Variants in JPH3 observed in about 807,000 individuals in gnomAD.
JPH3 encodes junctophilin-3.
JPH3 carries 11 observed loss-of-function variants against 59.6 expected under a neutral mutation model. That is an observed-to-expected ratio of 0.18 (90% CI 0.12 to 0.31). The LOEUF (loss-of-function observed/expected upper bound fraction) is 0.31, where lower values mean the gene tolerates loss of function less well. JPH3 is among the 10% of genes least tolerant of loss of function. JPH3 has a pLI of 1.00. For missense variants in JPH3, 1,202 were observed against 1,105.7 expected (o/e 1.09, Z -1.24); for synonymous variants, 673 against 483.6 (o/e 1.39, Z -5.14).
At chr16:87,636,037 C>T (rs1001371415) in intron 1 of JPH3, among the ~76,000 whole-genome samples, 1 of 152,116 alleles carries the variant, frequency 6.6e-6, no homozygotes, top group African/African-American at 2.4e-5. Context: ...CAGACCCTCG[C>T]GGCGGCCCAC....
In JPH3 at chr16:87,638,357, C is replaced by A. The variant is rs146581438; in HGVS notation, c.383-5901C>A. On this transcript the variant is annotated intron_variant, in intron 1 of 4. Coordinates refer to ENST00000284262, the MANE Select transcript of JPH3 (RefSeq NM_020655.4). The stretch of plus-strand genomic sequence containing the variant: ...CCAGCCCTTTGCTGGTGAACAGACA[C>A]GTTCACTGGACACCTAAGTGCCTGG... 3.6e-3 allele frequency among the ~76,000 whole-genome samples: 554 copies of A among 152,282 alleles called. 9 individuals carry two copies. Among genetic ancestry groups the A allele is most frequent in the African/African-American group, 0.012 (509 of 41,572 alleles).
At chr16:87,637,732 G>A (rs537545645) in intron 1 of JPH3, among the ~76,000 whole-genome samples, 1 of 148,786 alleles carries the variant, frequency 6.7e-6, no homozygotes, top group Non-Finnish European at 1.5e-5. Flanking sequence ...TGCCCTGGGC[G>A]AATGTCGAGG....
intron 1 of JPH3, among the ~76,000 whole-genome samples, chr16:87,641,181 C>T (rs973026160): frequency 3.9e-5 from 6 of 152,192 alleles, no homozygotes; most frequent in Admixed American, 2.0e-4. Context: ...GAAAGGTGTG[C>T]AGTGGTGTTG....
intron 2 of JPH3, among the ~76,000 whole-genome samples, chr16:87,661,810 C>T (rs534899063): frequency 2.0e-4 from 30 of 152,346 alleles, no homozygotes; most frequent in East Asian, 1.2e-3. Context: ...GTGGTTTTCA[C>T]TGCCTCTGGG....
In JPH3 at chr16:87,604,648, C is replaced by T. The variant is rs908203124; in HGVS notation, c.382+1120C>T. 21 of 1,168,030 alleles carry T rather than the reference C, an allele frequency of 1.8e-5. No homozygotes were observed. The African/African-American group carries it at 2.7e-4, about 15-fold the overall frequency. 72.4% of individuals were successfully genotyped at this position (1,168,030 alleles called of 1,614,324 possible). A position where few individuals can be genotyped will look rare whatever the true frequency, so the allele number is the denominator to read the frequency against. ...AGCGTACGTGTGCTCTAGTCCTCCC[C>T]GCCCGCTCGCTGCCTCCGAGTCTCA... On this transcript the variant is annotated intron_variant, in intron 1 of 4. Transcript: ENST00000284262.
chr16:87,691,769 C>T (rs1208140689), intron 4 of JPH3, among the ~76,000 whole-genome samples: 1 of 152,112 alleles, frequency 6.6e-6, no homozygotes, highest in Non-Finnish European at 1.5e-5. Context: ...AGAACAGCCC[C>T]TATGCTCCTG....
intron 2 of JPH3, among the ~76,000 whole-genome samples, chr16:87,645,616 C>CG (rs2032121153): frequency 6.6e-6 from 1 of 152,148 alleles, no homozygotes; most frequent in Non-Finnish European, 1.5e-5. Flanking sequence ...GCATGACTTA[C>CG]GGAATTTGGG....
intron 2 of JPH3, among the ~76,000 whole-genome samples, chr16:87,648,758 G>T (rs1446295936): frequency 6.6e-6 from 1 of 152,210 alleles, no homozygotes; most frequent in South Asian, 2.1e-4. Flanking sequence ...TGACATCATT[G>T]TTTGGGATGC....
chr16:87,603,674 C>A, intron 1 of JPH3, 146 bp downstream of exon 1: 2 of 1,061,360 alleles, frequency 1.9e-6, no homozygotes, highest in Non-Finnish European at 1.3e-6. Context: ...CTGGAAGCCA[C>A]GGCGGCTCCT....
intron 2 of JPH3, among the ~76,000 whole-genome samples, chr16:87,647,535 C>T (rs2032191834): frequency 1.3e-5 from 2 of 152,336 alleles, no homozygotes; most frequent in South Asian, 2.1e-4. Flanking sequence ...TTGCCTTCTG[C>T]ACTGGCGGAG....
chr16:87,663,546 T>G (rs1310482552), intron 2 of JPH3, among the ~76,000 whole-genome samples: 2 of 152,202 alleles, frequency 1.3e-5, no homozygotes, highest in East Asian at 3.8e-4. Context: ...CTTTGTGAGA[T>G]TTCACCCACC....
intron 3 of JPH3, among the ~76,000 whole-genome samples, chr16:87,684,766 G>A (rs1472881456): frequency 2.0e-5 from 3 of 152,182 alleles, no homozygotes; most frequent in Non-Finnish European, 2.9e-5. Context: ...GGCAGCTCCC[G>A]CTGTGCCCCT....
intron 2 of JPH3, chr16:87,655,079 G>A (rs904204104): frequency 1.3e-5 from 2 of 152,222 alleles, no homozygotes; most frequent in African/African-American, 2.4e-5. Flanking sequence ...GGAGTCGAGT[G>A]TCTCGAGTGG....
At chr16:87,650,914 A>G (rs1310938986) in intron 2 of JPH3, among the ~76,000 whole-genome samples, 1 of 152,262 alleles carries the variant, frequency 6.6e-6, no homozygotes, top group Non-Finnish European at 1.5e-5. Context: ...AGGTGGCTAC[A>G]CTAAACAGAT....
chr16:87,697,856 A>T lies in JPH3; in HGVS notation c.*1196A>T, dbSNP rs898243255. On this transcript the variant is annotated 3_prime_UTR_variant, in exon 5 of 5. Transcript: ENST00000284262. Reference sequence around the variant, plus strand: ...CTCCACCAGGGTCGCTCCATCACCCAAACAAAAGAACAAGGTTTGCCAGGA... The same window carrying T: ...CTCCACCAGGGTCGCTCCATCACCCTAACAAAAGAACAAGGTTTGCCAGGA... 1 of 152,366 alleles carries T rather than the reference A, an allele frequency of 6.6e-6. No homozygotes were observed. The highest frequency in any genetic ancestry group is 1.5e-5 in the Non-Finnish European group (1 of 68,048). The allele number at this position is 152,366 out of a possible 1,614,324, so 9.4% of individuals were successfully genotyped here. A position where few individuals can be genotyped will look rare whatever the true frequency, so the allele number is the denominator to read the frequency against.
chr16:87,650,358 A>T (rs1487677749), intron 2 of JPH3, among the ~76,000 whole-genome samples: 4 of 152,016 alleles, frequency 2.6e-5, no homozygotes, highest in East Asian at 3.9e-4. Flanking sequence ...CAATCCTCCA[A>T]CCAGCCGCTC....
chr16:87,674,193 G>A (rs2033087702), intron 2 of JPH3, among the ~76,000 whole-genome samples: 1 of 152,092 alleles, frequency 6.6e-6, no homozygotes, highest in South Asian at 2.1e-4. Flanking sequence ...AATTAGCCAG[G>A]CGTGGTGGCG....
At chr16:87,644,102 C>T (rs559606376) in intron 1 of JPH3, among the ~76,000 whole-genome samples, 156 bp from the exon 2 acceptor site, 1 of 152,336 alleles carries the variant, frequency 6.6e-6, no homozygotes, top group East Asian at 1.9e-4. Flanking sequence ...GGTCTCACTG[C>T]ACTCCAGCCT....
intron 1 of JPH3, among the ~76,000 whole-genome samples, chr16:87,625,046 G>C (rs1011365448): frequency 1.3e-5 from 2 of 152,212 alleles, no homozygotes; most frequent in African/African-American, 4.8e-5. Flanking sequence ...TGATCCACCT[G>C]CCTTGGCCTC....
Sources: allele counts gnomAD v4.1 joint callset (sites outside exome capture counted in the v4.1 genomes callset), GRCh38; gene constraint gnomAD v4.1.1; transcripts MANE v1.5; gene names NCBI Gene and HGNC (gene_info 2026-07-23, HGNC 2026-07-21).